The following ADGRL2 variants were observed in gnomAD, a reference collection of about 807,000 sequenced individuals.
ADGRL2 encodes adhesion G protein-coupled receptor L2.
A neutral mutation model predicts 157.4 loss-of-function variants in ADGRL2; 44 were observed. The observed-to-expected ratio is 0.28, with a 90% CI of 0.22 to 0.36. The LOEUF is 0.36. Among genes scored for constraint, ADGRL2 ranks in the 10% least tolerant of loss-of-function variants. The probability of loss-of-function intolerance (pLI) is 1.00; values close to 1 mark genes in which losing one functional copy is unlikely to be tolerated. For missense variants in ADGRL2, 1,510 were observed against 1,768.9 expected, an observed-to-expected ratio of 0.85 and a Z score of 2.63; for synonymous variants, 585 against 624.7, an observed-to-expected ratio of 0.94 and a Z score of 0.95.
At chr1:81,607,675 T>C (rs924556216) in intron 3 of ADGRL2, among the ~76,000 whole-genome samples, 3 of 152,244 alleles carry the variant, frequency 2.0e-5, no homozygotes, top group Non-Finnish European at 4.4e-5. Flanking sequence ...TTGAAACATT[T>C]AGCTATGTAA....
At chr1:81,693,187 C>T (rs1422893001) in intron 3 of ADGRL2, among the ~76,000 whole-genome samples, 1 of 152,168 alleles carries the variant, frequency 6.6e-6, no homozygotes, top group Non-Finnish European at 1.5e-5. Flanking sequence ...TGCCCAAGAG[C>T]TCACGCATTC....
intron 2 of ADGRL2, among the ~76,000 whole-genome samples, chr1:81,785,675 C>T (rs1418246393): frequency 6.6e-6 from 1 of 151,930 alleles, no homozygotes; most frequent in African/African-American, 2.4e-5. Context: ...GGGCCTTGAG[C>T]TATGATCATG....
intron 2 of ADGRL2, among the ~76,000 whole-genome samples, chr1:81,478,281 C>T (rs1304091210): frequency 1.3e-5 from 2 of 152,102 alleles, no homozygotes; most frequent in Non-Finnish European, 2.9e-5. Context: ...TTCCTGTGGC[C>T]GTACAGGCTG....
intron 2 of ADGRL2, among the ~76,000 whole-genome samples, chr1:81,493,687 T>A (rs2078678045): frequency 6.6e-6 from 1 of 152,124 alleles, no homozygotes; most frequent in Admixed American, 6.6e-5. Flanking sequence ...AAGCCAGAAC[T>A]GTCAAACAGA....
chr1:81,938,288 G>A (rs1349866307), intron 4 of ADGRL2, among the ~76,000 whole-genome samples: 1 of 151,710 alleles, frequency 6.6e-6, no homozygotes, highest in African/African-American at 2.4e-5. Flanking sequence ...AATTAGAGAA[G>A]AAATACAGCA....
At chr1:81,832,277 G>T (rs908507699) in intron 1 of ADGRL2, among the ~76,000 whole-genome samples, 3 of 152,094 alleles carry the variant, frequency 2.0e-5, no homozygotes, top group African/African-American at 7.2e-5. Flanking sequence ...GTGTAGCTGG[G>T]ATTACAGGCA....
chr1:81,316,175 AC>A (rs1407255776), intron 1 of ADGRL2, among the ~76,000 whole-genome samples: 1 of 152,080 alleles, frequency 6.6e-6, no homozygotes, highest in Non-Finnish European at 1.5e-5. Flanking sequence ...AGGAGACACC[AC>A]CTTTTTAAAG....
chr1:81,444,771 C>T (rs557857907), intron 1 of ADGRL2, among the ~76,000 whole-genome samples: 5 of 152,294 alleles, frequency 3.3e-5, no homozygotes, highest in Admixed American at 2.6e-4. Context: ...GGTTCAGTCA[C>T]GTTGTTCAGT....
chr1:81,853,511 G>A (rs975556414), intron 2 of ADGRL2, among the ~76,000 whole-genome samples: 1 of 151,808 alleles, frequency 6.6e-6, no homozygotes, highest in Non-Finnish European at 1.5e-5. Context: ...TCCTGGTGAC[G>A]GCAAAAAAGT....
chr1:81,622,711 T>C (rs1191529196), intron 3 of ADGRL2, among the ~76,000 whole-genome samples: 1 of 152,188 alleles, frequency 6.6e-6, no homozygotes, highest in African/African-American at 2.4e-5. Context: ...GCTATAATTG[T>C]GCCACCGTAC....
intron 2 of ADGRL2, among the ~76,000 whole-genome samples, chr1:81,524,710 G>A (rs545912688): frequency 5.3e-5 from 8 of 152,196 alleles, no homozygotes; most frequent in African/African-American, 1.9e-4. Flanking sequence ...AAAACAGTAT[G>A]TATAGCATGC....
At chr1:81,631,349 T>C (rs574084642) in intron 3 of ADGRL2, among the ~76,000 whole-genome samples, 61 of 152,214 alleles carry the variant, frequency 4.0e-4, no homozygotes, top group African/African-American at 1.4e-3. Flanking sequence ...CCCGAGTAGC[T>C]GGAATTACAG....
At chr1:81,964,411 G>T (rs1656436334) in intron 11 of ADGRL2, among the ~76,000 whole-genome samples, 1 of 152,022 alleles carries the variant, frequency 6.6e-6, no homozygotes, top group African/African-American at 2.4e-5. Context: ...TCTGAGAACA[G>T]TTCATCCATC....
chr1:81,386,714 T>A (rs2076442493), intron 1 of ADGRL2, among the ~76,000 whole-genome samples: 1 of 152,206 alleles, frequency 6.6e-6, no homozygotes, highest in Admixed American at 6.5e-5. Context: ...GAATTAATGG[T>A]CATTATAAAA....
At chr1:81,626,519 C>T (rs2081912802) in intron 3 of ADGRL2, among the ~76,000 whole-genome samples, 1 of 152,152 alleles carries the variant, frequency 6.6e-6, no homozygotes, top group Non-Finnish European at 1.5e-5. Flanking sequence ...GGTAATCTGC[C>T]CCCCTCGGCT....
chr1:81,834,698 CT>C (rs201266082), intron 1 of ADGRL2, among the ~76,000 whole-genome samples: 11 of 148,180 alleles, frequency 7.4e-5, no homozygotes, highest in South Asian at 2.1e-4. Context: ...ATAAATTTGA[CT>C]TTTTTTTTTA....
chr1:81,402,764 G>A (rs1013022620), intron 1 of ADGRL2, among the ~76,000 whole-genome samples: 3 of 152,072 alleles, frequency 2.0e-5, no homozygotes, highest in Non-Finnish European at 4.4e-5. Context: ...GAGCATTCTT[G>A]TTCTCACAGC....
chr1:81,682,980 A>C (rs1456200734), intron 3 of ADGRL2, among the ~76,000 whole-genome samples: 1 of 152,172 alleles, frequency 6.6e-6, no homozygotes, highest in Non-Finnish European at 1.5e-5. Context: ...TAAAAATACA[A>C]AGATTAGCTG....
chr1:81,979,940 T>C lies in ADGRL2; in HGVS notation c.3093T>C (p.Ser1031=), dbSNP rs774661353. 6.2e-7 allele frequency: 1 copy of C among 1,601,658 alleles called. No individual in the cohort carries two copies. The highest frequency in any genetic ancestry group is 8.5e-7 in the Non-Finnish European group (1 of 1,169,928). The change falls in exon 18 of 24, where the codon TCT becomes TCC. Residue 1031 remains serine, a synonymous_variant. Coordinates refer to ENST00000686636, the MANE Select transcript of ADGRL2 (RefSeq NM_001366006.2). ...ATTCAAACACTTTGAAACCAGATTC[T>C]AGCAGGTTGGAAAACATTAAGTAAG... is the stretch of plus-strand genomic sequence containing the variant. ...VKHSNTLKPD[S]SRLENIKSWV...
Sources: allele counts gnomAD v4.1 joint callset (sites outside exome capture counted in the v4.1 genomes callset), GRCh38; gene constraint gnomAD v4.1.1; transcripts MANE v1.5; gene names NCBI Gene and HGNC (gene_info 2026-07-23, HGNC 2026-07-21).